The following BMPR1A variants were observed in gnomAD, a reference collection of about 807,000 sequenced individuals.
BMPR1A encodes the protein bone morphogenetic protein receptor type 1A.
BMPR1A carries 7 observed loss-of-function variants against 66.0 expected under a neutral mutation model. The observed-to-expected ratio is 0.11, with a 90% CI of 0.06 to 0.20. BMPR1A has a LOEUF of 0.20. Among genes scored for constraint, BMPR1A ranks in the 10% least tolerant of loss-of-function variants. BMPR1A has a pLI of 1.00. For missense variants in BMPR1A, 408 were observed against 669.1 expected (o/e 0.61, Z 4.31); for synonymous variants, 200 against 229.7 (o/e 0.87, Z 1.17).
Position 86,837,247 on chromosome 10 carries a change from C to CTGTGTGTGTGTG in BMPR1A, c.-267-1602_-267-1591dup, listed in dbSNP as rs71019433. Among the ~76,000 whole-genome samples, 19 of 138,216 alleles carry CTGTGTGTGTGTG rather than the reference C, an allele frequency of 1.4e-4. No individual in the cohort carries two copies. The East Asian group carries it at 3.0e-3, about 22-fold the overall frequency. The allele number at this position is 138,216 out of a possible 152,430, so 90.7% of individuals were successfully genotyped here. A position where few individuals can be genotyped will look rare whatever the true frequency, so the allele number is the denominator to read the frequency against. On this transcript the variant is annotated intron_variant, in intron 1 of 12. Coordinates refer to ENST00000372037, the MANE Select transcript of BMPR1A (RefSeq NM_004329.3). ...AGAATCAGGCTGTGTGTGTGTGTGT[C>CTGTGTGTGTGTG]TGTGTGTGTGTGTGTGTGTGTGTGT...
downstream of BMPR1A, chr10:86,931,284 C>CAA (rs1843806943): frequency 1.1e-5 from 1 of 89,948 alleles, no homozygotes; most frequent in African/African-American, 8.1e-5. Flanking sequence ...TATATATACA[C>CAA]ACACACACAC....
At chr10:86,816,452 A>G (rs1223157019) in intron 1 of BMPR1A, among the ~76,000 whole-genome samples, 1 of 152,156 alleles carries the variant, frequency 6.6e-6, no homozygotes, top group Non-Finnish European at 1.5e-5. Context: ...CCTCATTTTG[A>G]CAAAAGCTGG....
chr10:86,909,447 C>T (rs1036631036), intron 7 of BMPR1A, among the ~76,000 whole-genome samples: 1 of 151,870 alleles, frequency 6.6e-6, no homozygotes, highest in African/African-American at 2.4e-5. Context: ...CAAAAATTAG[C>T]CTGGTATGGT....
At chr10:86,812,063 G>GAA (rs111415887) in intron 1 of BMPR1A, among the ~76,000 whole-genome samples, 3 of 137,358 alleles carry the variant, frequency 2.2e-5, no homozygotes, top group African/African-American at 5.3e-5. Context: ...GGGCAAAAAA[G>GAA]AAAAAAAAAA....
chr10:86,904,295 C>G (rs1843353821), intron 7 of BMPR1A, among the ~76,000 whole-genome samples: 1 of 152,120 alleles, frequency 6.6e-6, no homozygotes, highest in South Asian at 2.1e-4. Context: ...CATTAAGGCA[C>G]ATGATAATTG....
chr10:86,853,693 T>G (rs1325170724), intron 2 of BMPR1A, among the ~76,000 whole-genome samples: 2 of 152,280 alleles, frequency 1.3e-5, no homozygotes, highest in African/African-American at 2.4e-5. Flanking sequence ...GTCGGTAGAT[T>G]CCGTGATGCC....
intron 2 of BMPR1A, among the ~76,000 whole-genome samples, chr10:86,875,165 G>A (rs553152962): frequency 2.4e-3 from 361 of 151,836 alleles, no homozygotes; most frequent in African/African-American, 8.3e-3. Context: ...CTGAGGTCAG[G>A]AGTTTGAGAC....
intron 1 of BMPR1A, among the ~76,000 whole-genome samples, chr10:86,800,045 G>T (rs1841790091): frequency 6.6e-6 from 1 of 152,040 alleles, no homozygotes. Flanking sequence ...TAACATACAG[G>T]TTGCAAACTA....
chr10:86,797,249 G>GTT (rs1387957453), intron 1 of BMPR1A, among the ~76,000 whole-genome samples: 1 of 54,544 alleles, frequency 1.8e-5, no homozygotes, highest in Non-Finnish European at 4.2e-5. Context: ...TTTTTTTTTT[G>GTT]AGACGGAGTC....
intron 1 of BMPR1A, among the ~76,000 whole-genome samples, chr10:86,807,698 T>C (rs1490234620): frequency 6.6e-6 from 1 of 152,212 alleles, no homozygotes; most frequent in Non-Finnish European, 1.5e-5. Context: ...CTTTCTTATG[T>C]ATTCCGTTTA....
At chr10:86,766,825 GT>G (rs1163287108) in intron 1 of BMPR1A, among the ~76,000 whole-genome samples, 13,755 of 133,990 alleles carry the variant, frequency 0.1, 732 homozygotes, top group African/African-American at 0.17. Flanking sequence ...AGCCAGGATG[GT>G]TTTTTTTTTT....
intron 3 of BMPR1A, among the ~76,000 whole-genome samples, chr10:86,877,647 G>C (rs1842936863): frequency 6.6e-6 from 1 of 152,054 alleles, no homozygotes; most frequent in Admixed American, 6.6e-5. Context: ...TTCAGCAAAA[G>C]CCACTTTTAC....
At chr10:86,789,461 C>T (rs140011026) in intron 1 of BMPR1A, among the ~76,000 whole-genome samples, 140 of 152,174 alleles carry the variant, frequency 9.2e-4, no homozygotes, top group African/African-American at 3.3e-3. Flanking sequence ...ACCTGTAATT[C>T]CAGCACTTTG....
chr10:86,781,748 A>T (rs1053213288), intron 1 of BMPR1A, among the ~76,000 whole-genome samples: 1 of 151,588 alleles, frequency 6.6e-6, no homozygotes, highest in Non-Finnish European at 1.5e-5. Context: ...ATTATTTAAG[A>T]TACCTCATGT....
intron 1 of BMPR1A, among the ~76,000 whole-genome samples, chr10:86,825,297 G>T (rs1414936464): frequency 6.6e-6 from 1 of 151,372 alleles, no homozygotes; most frequent in East Asian, 1.9e-4. Flanking sequence ...GTATTAGTAT[G>T]GTTTTATCTA....
At chr10:86,833,682 T>TTA (rs1564698432) in intron 1 of BMPR1A, among the ~76,000 whole-genome samples, 1 of 152,148 alleles carries the variant, frequency 6.6e-6, no homozygotes. Context: ...GGAATAAACA[T>TTA]TTAATAGAGT....
intron 2 of BMPR1A, among the ~76,000 whole-genome samples, chr10:86,867,405 C>T (rs1336132547): frequency 6.6e-6 from 1 of 152,198 alleles, no homozygotes; most frequent in Non-Finnish European, 1.5e-5. Context: ...AGACCCTCTC[C>T]CTTTCCAGAC....
chr10:86,918,627 C>CT (rs71802648), intron 9 of BMPR1A, among the ~76,000 whole-genome samples: 5,168 of 141,352 alleles, frequency 0.037, 301 homozygotes, highest in African/African-American at 0.12. Context: ...CTTTTCTTTT[C>CT]TTTTTTTTTT....
rs963497083 is a variant in BMPR1A, at chr10:86,798,906, A to C, written c.-267-39959A>C. Among the ~76,000 whole-genome samples, 7 of 152,350 alleles carry C rather than the reference A, an allele frequency of 4.6e-5. No homozygotes were observed. The Middle Eastern group carries it at 0.02, about 444-fold the overall frequency. ...GCTGAGCACTGTGCCTTGTGTCAGT[A>C]GTCAGTGGTGTTCCTTTAGTCCTTG... On this transcript the variant is annotated intron_variant, in intron 1 of 12. Coordinates refer to ENST00000372037, the MANE Select transcript of BMPR1A (RefSeq NM_004329.3).
Sources: gnomAD v4.1 joint callset for allele counts (sites outside exome capture counted in the v4.1 genomes callset) on GRCh38, gnomAD v4.1.1 for gene constraint, MANE v1.5 for transcripts, NCBI Gene and HGNC (gene_info 2026-07-23, HGNC 2026-07-21) for gene names.